Variants in CECR2 observed in about 807,000 individuals in gnomAD.
The protein encoded by CECR2 is chromatin remodeling regulator CECR2.
In CECR2, 30 loss-of-function variants were observed where a neutral mutation model predicts 154.5. The observed-to-expected ratio is 0.19, with a 90% CI of 0.15 to 0.26. The LOEUF (loss-of-function observed/expected upper bound fraction) is 0.26. Ranked by LOEUF, CECR2 falls within the 10% of genes least tolerant of loss-of-function variation. The pLI, the probability that CECR2 is intolerant of heterozygous loss-of-function variation, is 1.00. For synonymous variants in CECR2, 725 were observed against 683.7 expected (o/e 1.06, Z -0.94); for missense variants, 1,743 against 1,829.3 (o/e 0.95, Z 0.86).
intron 2 of CECR2, among the ~76,000 whole-genome samples, chr22:17,491,803 C>T (rs1375713818): frequency 1.3e-5 from 2 of 152,156 alleles, no homozygotes; most frequent in Non-Finnish European, 2.9e-5. Context: ...CCAACATAAA[C>T]ATTCATAAAC....
At chr22:17,524,692 C>CTTTTTTTTT (rs1188195849) in intron 9 of CECR2, among the ~76,000 whole-genome samples, 1 of 44,306 alleles carries the variant, frequency 2.3e-5, no homozygotes, top group Non-Finnish European at 3.8e-5. Context: ...ATGCCTGGCC[C>CTTTTTTTTT]TTTTTTTTTT....
rs2055231430 is a variant in CECR2 at position 17,477,617 on chromosome 22, C to T, written c.156C>T (p.Asp52=). ...EELEAALHRD[D]VEFISDLIAC... ...TAGAAGCCGCTCTTCACAGAGATGACGTGGAGTTTATCAGTGACCTGATTG... is the reference window on the plus strand; with the variant it reads ...TAGAAGCCGCTCTTCACAGAGATGATGTGGAGTTTATCAGTGACCTGATTG... Residue 52 remains aspartate, a synonymous_variant, in exon 2 of 19, where the codon GAC becomes GAT. Transcript: ENST00000262608. 5 of 1,613,320 alleles carry T rather than the reference C, an allele frequency of 3.1e-6. No homozygotes were observed. In the East Asian group the frequency reaches 6.7e-5, roughly 22 times the overall value.
At position 17,551,845 on chromosome 22, in the gene CECR2, GGTGGTGCGT is replaced by G. The variant is rs1420511310; in HGVS notation, c.4278-182_4278-174del. Among the ~76,000 whole-genome samples, 5 of 152,168 alleles carry G rather than the reference GGTGGTGCGT, an allele frequency of 3.3e-5. No individual in the cohort carries two copies. In the East Asian group the frequency reaches 9.7e-4, roughly 29 times the overall value. ...AAACACTTTTGTCAGGAGTGCAGTAGGTGGTGCGTGTGCGTGCCACTTACTGCCCCAGGG... is the reference window on the plus strand; with the variant it reads ...AAACACTTTTGTCAGGAGTGCAGTAGGTGCGTGCCACTTACTGCCCCAGGG... On this transcript the variant is annotated intron_variant, in intron 17 of 18. Coordinates refer to ENST00000262608, the MANE Select transcript of CECR2 (RefSeq NM_001290047.2).
In CECR2 at chr22:17,542,226, G is replaced by C. The variant is rs756173954; in HGVS notation, c.2083G>C (p.Gly695Arg). 4.3e-6 allele frequency: 7 copies of C among 1,611,936 alleles called. No homozygotes were observed. In the Admixed American group the frequency reaches 1.0e-4, roughly 23 times the overall value. The stretch of plus-strand genomic sequence containing the variant: ...ACCAGAGGAGAAGCAAATGTGCGGG[G>C]GGCTGACACACCTTTCTAACATGGG... Reference protein sequence around the residue: ...GTPEEKQMCGGLTHLSNMGPH... With the variant: ...GTPEEKQMCGRLTHLSNMGPH... Residue 695 changes from glycine (G) to arginine (R), a missense_variant, in exon 16 of 19, where the codon GGG becomes CGG. Physicochemically the swap from Gly to Arg is moderately radical, Grantham distance 125 (BLOSUM62 -2). This residue lies in a region of CECR2 where 1,250 missense variants were observed against 1,192.1 expected (regional missense o/e 1.05). Coordinates refer to ENST00000262608, the MANE Select transcript of CECR2 (RefSeq NM_001290047.2).
At chr22:17,405,475 T>TATAAAAAATAAA in intron 1 of CECR2, among the ~76,000 whole-genome samples, 1 of 147,370 alleles carries the variant, frequency 6.8e-6, no homozygotes, top group East Asian at 2.0e-4. Context: ...TAAAATAAAA[T>TATAAAAAATAAA]ATAAAATAAA....
At chr22:17,385,920 A>C (rs987538320) in intron 1 of CECR2, among the ~76,000 whole-genome samples, 2 of 152,202 alleles carry the variant, frequency 1.3e-5, no homozygotes, top group African/African-American at 4.8e-5. Context: ...GATGACCCCC[A>C]GGGTGGGAGC....
At chr22:17,422,030 C>T (rs868706796) in intron 1 of CECR2, among the ~76,000 whole-genome samples, 3 of 151,808 alleles carry the variant, frequency 2.0e-5, no homozygotes, top group Middle Eastern at 6.8e-3. Flanking sequence ...TCACTCCCCT[C>T]GTCTTGCTTG....
intron 17 of CECR2, 146 bp from the exon 18 acceptor site, chr22:17,551,885 A>G (rs1292011465): frequency 4.2e-6 from 3 of 705,994 alleles, no homozygotes; most frequent in Non-Finnish European, 7.2e-6. Context: ...CAGGGGGCAC[A>G]GAATGTCGAG....
intron 9 of CECR2, among the ~76,000 whole-genome samples, chr22:17,530,731 T>G (rs2056341926): frequency 6.6e-6 from 1 of 151,088 alleles, no homozygotes; most frequent in Non-Finnish European, 1.5e-5. Flanking sequence ...CAGCCAAGTG[T>G]CCACCAGTGG....
chr22:17,510,905 C>T (rs146128361), intron 7 of CECR2, among the ~76,000 whole-genome samples: 55 of 152,204 alleles, frequency 3.6e-4, no homozygotes, highest in African/African-American at 1.1e-3. Context: ...CCACCCAGCC[C>T]GAAACAGAAA....
intron 16 of CECR2, among the ~76,000 whole-genome samples, chr22:17,545,697 G>A (rs1190600635): frequency 6.6e-6 from 1 of 151,736 alleles, no homozygotes; most frequent in Non-Finnish European, 1.5e-5. Context: ...ACAAAAATCA[G>A]CCGGGAACAG....
At chr22:17,547,623 C>A (rs1232664011) in intron 16 of CECR2, among the ~76,000 whole-genome samples, 1 of 152,198 alleles carries the variant, frequency 6.6e-6, no homozygotes, top group African/African-American at 2.4e-5. Flanking sequence ...GTGATTGAGT[C>A]TGTGTGCATG....
intron 2 of CECR2, among the ~76,000 whole-genome samples, chr22:17,495,550 C>CA (rs2055607462): frequency 8.2e-6 from 1 of 122,666 alleles, no homozygotes; most frequent in African/African-American, 3.1e-5. Context: ...GCCTGGGCTA[C>CA]AAGAGCAAAA....
chr22:17,375,263 A>T (rs1418898586), intron 1 of CECR2, among the ~76,000 whole-genome samples: 1 of 151,588 alleles, frequency 6.6e-6, no homozygotes, highest in Non-Finnish European at 1.5e-5. Flanking sequence ...ACAGGCATGC[A>T]CCACCATGCC....
In CECR2 at chr22:17,557,145, C is replaced by CTTTTTTTTTTTTTTTTTTT. The variant is rs695763; in HGVS notation, c.*4307_*4325dup. ...TACTGCATCCCGTTTTTTTTCTTTT[C>CTTTTTTTTTTTTTTTTTTT]TTTTTTTTTTTTTTTTTTTTGAGAC... On this transcript the variant is annotated 3_prime_UTR_variant, in exon 19 of 19. Transcript: ENST00000262608. 1 of 106,540 alleles carries CTTTTTTTTTTTTTTTTTTT rather than the reference C, an allele frequency of 9.4e-6. No individual in the cohort carries two copies. The highest frequency in any genetic ancestry group is 1.8e-5 in the Non-Finnish European group (1 of 55,926). 6.6% of individuals were successfully genotyped at this position (106,540 alleles called of 1,614,324 possible).
At chr22:17,521,751 T>C (rs1167141879) in intron 8 of CECR2, among the ~76,000 whole-genome samples, 111 of 145,812 alleles carry the variant, frequency 7.6e-4, no homozygotes, top group East Asian at 1.4e-3. Flanking sequence ...AGCTCTTTAG[T>C]TTAATTAGAT....
chr22:17,440,009 G>A (rs1365084615), intron 1 of CECR2, among the ~76,000 whole-genome samples: 1 of 151,716 alleles, frequency 6.6e-6, no homozygotes, highest in Non-Finnish European at 1.5e-5. Flanking sequence ...ATTAGAAAAG[G>A]CCTACGCCCA....
intron 9 of CECR2, among the ~76,000 whole-genome samples, chr22:17,527,084 A>C (rs1023045093): frequency 2.0e-5 from 3 of 152,226 alleles, no homozygotes; most frequent in Admixed American, 6.5e-5. Flanking sequence ...GAGCTGAAAT[A>C]ACTCTTAGGA....
intron 1 of CECR2, among the ~76,000 whole-genome samples, chr22:17,397,981 A>G (rs557265789): frequency 1.4e-3 from 207 of 152,204 alleles, no homozygotes; most frequent in Middle Eastern, 3.4e-3. Flanking sequence ...TGTTCATGCA[A>G]CACTGTGTCT....
Sources: allele counts gnomAD v4.1 joint callset (sites outside exome capture counted in the v4.1 genomes callset), GRCh38; gene constraint gnomAD v4.1.1; regional missense constraint gnomAD v4.1.1; transcripts MANE v1.5; gene names NCBI Gene and HGNC (gene_info 2026-07-23, HGNC 2026-07-21).